The following PPARA variants were observed in gnomAD, a reference collection of about 807,000 sequenced individuals.
PPARA encodes the protein peroxisome proliferator activated receptor alpha.
In PPARA, 22 loss-of-function variants were observed where a neutral mutation model predicts 42.2. That is an observed-to-expected ratio of 0.52 (90% CI 0.37 to 0.74). PPARA has a LOEUF of 0.74. PPARA is among the 30% of genes least tolerant of loss of function. PPARA has a pLI of 0.00. For synonymous variants in PPARA, 242 were observed against 239.3 expected (o/e 1.01, Z -0.10); for missense variants, 465 against 608.2 (o/e 0.76, Z 2.48).
Position 46,236,095 on chromosome 22 carries a change from A to C in PPARA, c.*715A>C, listed in dbSNP as rs1936187777. On this transcript the variant is annotated 3_prime_UTR_variant, in exon 9 of 9. Transcript: ENST00000407236. This position sits in a 1 kb window ranked among gnomAD's most constrained non-coding sequence, Gnocchi z 5.2. The stretch of plus-strand genomic sequence containing the variant: ...AACCCTGTCTCTACTAAAAATACAA[A>C]AATTAGCCGGGTGTGGTGGCACATG... 6.6e-6 allele frequency: 1 copy of C among 152,660 alleles called. No individual in the cohort carries two copies. Among genetic ancestry groups the C allele is most frequent in the Non-Finnish European group, 1.5e-5 (1 of 68,418 alleles). The allele number at this position is 152,660 out of a possible 1,614,324, so 9.5% of individuals were successfully genotyped here.
chr22:46,226,914 T>G (rs1935505762), intron 7 of PPARA, among the ~76,000 whole-genome samples: 1 of 152,080 alleles, frequency 6.6e-6, no homozygotes, highest in Non-Finnish European at 1.5e-5. Context: ...GACTAATTTG[T>G]GACATGCAGC....
chr22:46,208,251 G>A (rs1360113931), intron 4 of PPARA, among the ~76,000 whole-genome samples: 1 of 152,070 alleles, frequency 6.6e-6, no homozygotes, highest in Non-Finnish European at 1.5e-5. Context: ...TTTTTTGTGT[G>A]TGGTGAGAAC....
chr22:46,185,714 G>A (rs1053317849), intron 3 of PPARA, among the ~76,000 whole-genome samples: 4 of 149,754 alleles, frequency 2.7e-5, no homozygotes, highest in Non-Finnish European at 5.9e-5. Context: ...GGCCAACATG[G>A]TGAAACCCCG....
intron 2 of PPARA, chr22:46,176,052 C>G (rs942188763): frequency 6.6e-6 from 1 of 152,140 alleles, no homozygotes; most frequent in Non-Finnish European, 1.5e-5. Context: ...GGTAGGAGGA[C>G]TGCTTGATCC....
Position 46,200,399 on chromosome 22 carries a change from G to A in PPARA, c.208+1808G>A, listed in dbSNP as rs549281436. On this transcript the variant is annotated intron_variant, in intron 4 of 8. Transcript: ENST00000407236. This position sits in a 1 kb window ranked among gnomAD's most constrained non-coding sequence, Gnocchi z 4.8. ...GGTGCAGCCTGTTGCTCCAAGGCACGCACCTGTACAGCGTGTTACTGTACT... is the reference window on the plus strand; with the variant it reads ...GGTGCAGCCTGTTGCTCCAAGGCACACACCTGTACAGCGTGTTACTGTACT... Among the ~76,000 whole-genome samples the A allele has an allele frequency of 3.9e-5, 6 of 152,386 alleles. No individual in the cohort carries two copies. The South Asian group carries it at 6.2e-4, about 16-fold the overall frequency.
intron 3 of PPARA, among the ~76,000 whole-genome samples, chr22:46,178,215 G>A (rs1007931370): frequency 2.0e-5 from 3 of 152,188 alleles, no homozygotes; most frequent in African/African-American, 7.2e-5. Flanking sequence ...TCTGTCAGAA[G>A]GTGACATGAG....
chr22:46,158,623 G>A (rs1349682726), intron 2 of PPARA, among the ~76,000 whole-genome samples: 2 of 152,156 alleles, frequency 1.3e-5, no homozygotes, highest in African/African-American at 4.8e-5. Context: ...TGCCAATCAA[G>A]TGACATGCAA....
At chr22:46,220,103 G>C (rs1482296031) in intron 7 of PPARA, 89 bp downstream of exon 7, 2 of 1,419,494 alleles carry the variant, frequency 1.4e-6, no homozygotes, top group East Asian at 2.3e-5. Context: ...TGAATGTTGA[G>C]AAAATTATAT....
chr22:46,157,339 T>C (rs135550), intron 2 of PPARA, among the ~76,000 whole-genome samples: 52,393 of 151,854 alleles, frequency 0.35, 10,988 homozygotes, highest in African/African-American at 0.59. Flanking sequence ...TAAACAGGAG[T>C]GCAGACAGCG....
In PPARA at chr22:46,191,389, C is replaced by T. The variant is rs1381442577; in HGVS notation, c.-42-6953C>T. On this transcript the variant is annotated intron_variant, in intron 3 of 8. Transcript: ENST00000407236. This position sits in a 1 kb window ranked among gnomAD's most constrained non-coding sequence, Gnocchi z 4.6. ...ACTTTACTCTTAATACAAACCACTT[C>T]CTTTTATCACAGGACGCTTCCCAAG... 1.3e-5 allele frequency among the ~76,000 whole-genome samples: 2 copies of T among 152,038 alleles called. No individual in the cohort carries two copies. Among genetic ancestry groups the T allele is most frequent in the African/African-American group, 4.8e-5 (2 of 41,402 alleles).
In PPARA at chr22:46,198,323, T is replaced by C; in HGVS notation, c.-42-19T>C. Reference sequence around the variant, plus strand: ...GTTGTTATACGTCAGTCTTACCAATTGTTCCTCTTTCCTCCCAGTAGCTTG... The same window carrying C: ...GTTGTTATACGTCAGTCTTACCAATCGTTCCTCTTTCCTCCCAGTAGCTTG... On this transcript the variant is annotated intron_variant, in intron 3 of 8. Transcript: ENST00000407236. The C allele has an allele frequency of 7.1e-7, 1 of 1,409,984 alleles. No individual in the cohort carries two copies. The allele number at this position is 1,409,984 out of a possible 1,614,324, so 87.3% of individuals were successfully genotyped here.
rs1027314282 is a variant in PPARA at position 46,188,681 on chromosome 22, G to A, written c.-42-9661G>A. On this transcript the variant is annotated intron_variant, in intron 3 of 8. Coordinates refer to ENST00000407236, the MANE Select transcript of PPARA (RefSeq NM_005036.6). The surrounding 1 kb of genome is among the most constrained non-coding windows in gnomAD (Gnocchi z 5.0). ...ATTGAGGGCCTGGCCCACGTGTGAT[G>A]TTCAATAATATTATTTCTCCTTGTT... is the stretch of plus-strand genomic sequence containing the variant. The A allele has an allele frequency of 1.3e-5, 2 of 152,190 alleles. No individual in the cohort carries two copies. The highest frequency in any genetic ancestry group is 2.4e-5 in the African/African-American group (1 of 41,430). 9.4% of individuals were successfully genotyped at this position (152,190 alleles called of 1,614,324 possible). A position where few individuals can be genotyped will look rare whatever the true frequency, so the allele number is the denominator to read the frequency against.
rs575706424 is a variant in PPARA at position 46,222,329 on chromosome 22, T to G, written c.711+2315T>G. Among the ~76,000 whole-genome samples, 5 of 152,300 alleles carry G rather than the reference T, an allele frequency of 3.3e-5. No individual in the cohort carries two copies. The South Asian group carries it at 1.0e-3, about 32-fold the overall frequency. On this transcript the variant is annotated intron_variant, in intron 7 of 8. Transcript: ENST00000407236. The surrounding 1 kb of genome is among the most constrained non-coding windows in gnomAD (Gnocchi z 5.9). ...GTTGGTGAATGAAGATACTTTGACA[T>G]TTTCCTATGAGCATGGTGAAACAGG...
At chr22:46,168,694 A>G (rs975367114) in intron 2 of PPARA, among the ~76,000 whole-genome samples, 1 of 151,932 alleles carries the variant, frequency 6.6e-6, no homozygotes, top group African/African-American at 2.4e-5. Flanking sequence ...CTCATTAGTC[A>G]CTAGGGAAAT....
Position 46,195,319 on chromosome 22 carries a change from A to G in PPARA, c.-42-3023A>G, listed in dbSNP as rs1034558009. Among the ~76,000 whole-genome samples, 1 of 152,190 alleles carries G rather than the reference A, an allele frequency of 6.6e-6. No homozygotes were observed. Among genetic ancestry groups the G allele is most frequent in the Admixed American group, 6.5e-5 (1 of 15,272 alleles). On this transcript the variant is annotated intron_variant, in intron 3 of 8. Coordinates refer to ENST00000407236, the MANE Select transcript of PPARA (RefSeq NM_005036.6). This position sits in a 1 kb window ranked among gnomAD's most constrained non-coding sequence, Gnocchi z 4.6. ...TATTTTAAGTAATGCTTACCCCATT[A>G]TGTTTCTTGTCATTTGAAAAAAAAT... is the stretch of plus-strand genomic sequence containing the variant.
In PPARA at chr22:46,230,318, C is replaced by T. The variant is rs563303659; in HGVS notation, c.712-1474C>T. Among the ~76,000 whole-genome samples the T allele has an allele frequency of 6.6e-6, 1 of 152,234 alleles. No individual in the cohort carries two copies. The highest frequency in any genetic ancestry group is 2.4e-5 in the African/African-American group (1 of 41,520). ...CCTGGGAGGCCGAGGTTGCAGTGAGCCGAGATTGTGCCATTGCACTCCAGC... is the reference window on the plus strand; with the variant it reads ...CCTGGGAGGCCGAGGTTGCAGTGAGTCGAGATTGTGCCATTGCACTCCAGC... On this transcript the variant is annotated intron_variant, in intron 7 of 8. Transcript: ENST00000407236. The surrounding 1 kb of genome is among the most constrained non-coding windows in gnomAD (Gnocchi z 5.0).
At chr22:46,151,072 C>T (rs556184755) in intron 1 of PPARA, 1 of 152,424 alleles carries the variant, frequency 6.6e-6, no homozygotes, top group African/African-American at 2.4e-5. Context: ...CTTGCCCTTT[C>T]CTCGGCGCAG....
chr22:46,207,132 A>G (rs1427390799), intron 4 of PPARA, among the ~76,000 whole-genome samples: 2 of 151,736 alleles, frequency 1.3e-5, no homozygotes, highest in African/African-American at 4.8e-5. Flanking sequence ...CTGAGACAGG[A>G]GAATTGCTTG....
rs577980585 is a variant in PPARA at position 46,238,822 on chromosome 22, G to A, written c.*3442G>A. 9 of 152,128 alleles carry A rather than the reference G, an allele frequency of 5.9e-5. No individual in the cohort carries two copies. Among genetic ancestry groups the A allele is most frequent in the Non-Finnish European group, 1.0e-4 (7 of 68,082 alleles). 9.4% of individuals were successfully genotyped at this position (152,128 alleles called of 1,614,324 possible). A position where few individuals can be genotyped will look rare whatever the true frequency, so the allele number is the denominator to read the frequency against. ...CGTCCCCACCACACTTCCAGAGACC[G>A]GAGAACTGTGCAGGGCCTAAGGCCG... On this transcript the variant is annotated 3_prime_UTR_variant, in exon 9 of 9. Coordinates refer to ENST00000407236, the MANE Select transcript of PPARA (RefSeq NM_005036.6). This position sits in a 1 kb window ranked among gnomAD's most constrained non-coding sequence, Gnocchi z 8.3.
Sources: allele counts gnomAD v4.1 joint callset (sites outside exome capture counted in the v4.1 genomes callset), GRCh38; gene constraint gnomAD v4.1.1; non-coding constraint Gnocchi (gnomAD v3.1); transcripts MANE v1.5; gene names NCBI Gene and HGNC (gene_info 2026-07-23, HGNC 2026-07-21).